Variants in PCYT1A observed in about 807,000 individuals in gnomAD.
PCYT1A encodes the protein choline-phosphate cytidylyltransferase A.
In PCYT1A, 25 loss-of-function variants were observed where a neutral mutation model predicts 43.7. The observed-to-expected ratio is 0.57, with a 90% confidence interval of 0.42 to 0.80. The LOEUF (loss-of-function observed/expected upper bound fraction) is 0.80. PCYT1A is among the 30% of genes least tolerant of loss of function. The probability of loss-of-function intolerance (pLI) is 0.00; values close to 1 mark genes in which losing one functional copy is unlikely to be tolerated. For synonymous variants in PCYT1A, 172 were observed against 170.7 expected (o/e 1.01, Z -0.06); for missense variants, 421 against 474.2 (o/e 0.89, Z 1.04).
chr3:196,258,045 G>A (rs1724999766), intron 2 of PCYT1A, among the ~76,000 whole-genome samples, 158 bp from the exon 3 acceptor site: 1 of 152,092 alleles, frequency 6.6e-6, no homozygotes, highest in African/African-American at 2.4e-5. Context: ...CCAGCACTTT[G>A]GGAGGCCGAG....
chr3:196,284,518 C>T (rs1725850925), intron 1 of PCYT1A, among the ~76,000 whole-genome samples: 1 of 152,146 alleles, frequency 6.6e-6, no homozygotes, highest in Non-Finnish European at 1.5e-5. Context: ...TAATGCTTTC[C>T]ATACATAGTC....
At chr3:196,272,174 C>A (rs1026838905) in intron 1 of PCYT1A, among the ~76,000 whole-genome samples, 1 of 79,510 alleles carries the variant, frequency 1.3e-5, no homozygotes, top group Non-Finnish European at 2.4e-5. Context: ...TTTAAATGTC[C>A]TTCTCCTTCT....
intron 5 of PCYT1A, among the ~76,000 whole-genome samples, chr3:196,246,364 T>C (rs944967263): frequency 1.2e-4 from 18 of 151,790 alleles, no homozygotes; most frequent in African/African-American, 4.4e-4. Context: ...TCAATCCTTC[T>C]CATCTTTTGT....
chr3:196,276,368 C>T (rs928943785), intron 1 of PCYT1A, among the ~76,000 whole-genome samples: 208 of 152,208 alleles, frequency 1.4e-3, no homozygotes, highest in African/African-American at 4.9e-3. Context: ...CTTTGGGAGG[C>T]TGAGGTGGGC....
In PCYT1A at chr3:196,236,676, T is replaced by G. The variant is rs1057030939; in HGVS notation, c.*2012A>C. 1 of 152,108 alleles carries G rather than the reference T, an allele frequency of 6.6e-6. No individual in the cohort carries two copies. Among genetic ancestry groups the G allele is most frequent in the Admixed American group, 6.6e-5 (1 of 15,260 alleles). 9.4% of individuals were successfully genotyped at this position (152,108 alleles called of 1,614,324 possible). A position where few individuals can be genotyped will look rare whatever the true frequency, so the allele number is the denominator to read the frequency against. ...TTCTGTATGTGTGTGTGGTTTTTGT[T>G]TTGTTTTGGAGACAGAGTCTCGCTC... On this transcript the variant is annotated 3_prime_UTR_variant, in exon 9 of 9. Transcript: ENST00000431016.
chr3:196,272,865 CCT>C (rs955097969), intron 1 of PCYT1A, among the ~76,000 whole-genome samples: 1 of 152,250 alleles, frequency 6.6e-6, no homozygotes, highest in Non-Finnish European at 1.5e-5. Context: ...TAGCCAGAAA[CCT>C]CTGTGGCCAG....
intron 2 of PCYT1A, among the ~76,000 whole-genome samples, chr3:196,265,896 G>A (rs1049349687): frequency 5.3e-5 from 8 of 151,712 alleles, no homozygotes; most frequent in South Asian, 2.1e-4. Flanking sequence ...CCACCACTGC[G>A]CCCAGCTAAT....
intron 7 of PCYT1A, chr3:196,241,647 AAGAG>A (rs1010824143): frequency 6.7e-6 from 9 of 1,351,758 alleles, no homozygotes; most frequent in Non-Finnish European, 8.7e-6. Context: ...CCAACCGAAG[AAGAG>A]AGAGGAAGTT....
intron 2 of PCYT1A, among the ~76,000 whole-genome samples, chr3:196,266,703 A>T (rs1221967653): frequency 6.6e-6 from 1 of 151,920 alleles, no homozygotes; most frequent in Non-Finnish European, 1.5e-5. Flanking sequence ...CAGCCTGAGC[A>T]ACATGGTAAA....
At chr3:196,261,674 C>T (rs1725113294) in intron 2 of PCYT1A, among the ~76,000 whole-genome samples, 1 of 151,850 alleles carries the variant, frequency 6.6e-6, no homozygotes, top group Non-Finnish European at 1.5e-5. Flanking sequence ...CCTGCAATCC[C>T]AGCTACTCGG....
rs1577354607 is a variant in PCYT1A at position 196,242,760 on chromosome 3, T to G, written c.487-120A>C. On this transcript the variant is annotated intron_variant, in intron 5 of 8. Transcript: ENST00000431016. The surrounding 1 kb of genome is among the most constrained non-coding windows in gnomAD (Gnocchi z 4.2). ...AGGCCAGGCCTCAGTGGACTTCATA[T>G]CTCTCTTTGCTTTGCTCATAAATTC... 1.4e-6 allele frequency: 1 copy of G among 706,280 alleles called. No individual in the cohort carries two copies. Among genetic ancestry groups the G allele is most frequent in the East Asian group, 2.5e-5 (1 of 39,490 alleles). The allele number at this position is 706,280 out of a possible 1,614,324, so 43.8% of individuals were successfully genotyped here.
intron 2 of PCYT1A, among the ~76,000 whole-genome samples, chr3:196,260,706 G>A (rs1427999154): frequency 6.6e-6 from 1 of 152,268 alleles, no homozygotes; most frequent in African/African-American, 2.4e-5. Context: ...GCCAGGTGGC[G>A]TGGTGCATGC....
At chr3:196,265,283 G>T (rs1189979572) in intron 2 of PCYT1A, among the ~76,000 whole-genome samples, 1 of 151,906 alleles carries the variant, frequency 6.6e-6, no homozygotes, top group Non-Finnish European at 1.5e-5. Context: ...GGCCAGGCTG[G>T]TCTCAAACTC....
At chr3:196,260,597 CT>C (rs1280180251) in intron 2 of PCYT1A, among the ~76,000 whole-genome samples, 1 of 152,174 alleles carries the variant, frequency 6.6e-6, no homozygotes, top group African/African-American at 2.4e-5. Context: ...AATCCCAGCA[CT>C]TTGGGAGGCC....
chr3:196,259,376 C>G (rs1725040577), intron 2 of PCYT1A, among the ~76,000 whole-genome samples: 1 of 151,996 alleles, frequency 6.6e-6, no homozygotes, highest in Non-Finnish European at 1.5e-5. Context: ...GAAATTGCTC[C>G]CTTATAATCC....
chr3:196,258,287 A>G (rs78111266), intron 2 of PCYT1A, among the ~76,000 whole-genome samples: 1 of 147,166 alleles, frequency 6.8e-6, no homozygotes, highest in Non-Finnish European at 1.5e-5. Context: ...CTCCACCTCA[A>G]AAAAAAAAAA....
chr3:196,257,247 T>C (rs1724974353), intron 3 of PCYT1A, among the ~76,000 whole-genome samples: 1 of 152,220 alleles, frequency 6.6e-6, no homozygotes, highest in Non-Finnish European at 1.5e-5. Context: ...ATTAATTATG[T>C]AAATTAAGCA....
chr3:196,268,125 T>A lies in PCYT1A; in HGVS notation c.117+2290A>T, dbSNP rs12494899. On this transcript the variant is annotated intron_variant, in intron 2 of 8. Coordinates refer to ENST00000431016, the MANE Select transcript of PCYT1A (RefSeq NM_001312673.2). The surrounding 1 kb of genome is among the most constrained non-coding windows in gnomAD (Gnocchi z 4.4). ...AGCATTAAGACTCCCCAGAAGAATT[T>A]AAAAAAAAAAAAGATTCCCAGAGTC... Among the ~76,000 whole-genome samples the A allele has an allele frequency of 0.42, 61,116 of 144,566 alleles. 13,231 individuals carry two copies. The highest frequency in any genetic ancestry group is 0.88 in the East Asian group (4,544 of 5,136). The allele number at this position is 144,566 out of a possible 152,430, so 94.8% of individuals were successfully genotyped here.
chr3:196,261,394 C>T (rs867666196), intron 2 of PCYT1A, among the ~76,000 whole-genome samples: 7 of 152,286 alleles, frequency 4.6e-5, no homozygotes, highest in African/African-American at 1.4e-4. Flanking sequence ...TGTGGTGGCT[C>T]ACACCTGTAA....
Sources: allele counts gnomAD v4.1 joint callset (sites outside exome capture counted in the v4.1 genomes callset), GRCh38; gene constraint gnomAD v4.1.1; non-coding constraint Gnocchi (gnomAD v3.1); transcripts MANE v1.5; gene names NCBI Gene and HGNC (gene_info 2026-07-23, HGNC 2026-07-21).